The following RARB variants were observed in gnomAD, a reference collection of about 807,000 sequenced individuals.
RARB encodes HBV-activated protein.
In RARB, 17 loss-of-function variants were observed where a neutral mutation model predicts 51.9. That is an observed-to-expected ratio of 0.33 (90% confidence interval 0.22 to 0.49). The LOEUF is 0.49. Ranked by LOEUF, RARB falls within the 20% of genes least tolerant of loss-of-function variation. The pLI is 0.99. For synonymous variants in RARB, 215 were observed against 195.4 expected (o/e 1.10, Z -0.84); for missense variants, 369 against 550.8 (o/e 0.67, Z 3.30).
At chr3:25,306,861 A>C (rs889208090) in intron 5 of RARB, among the ~76,000 whole-genome samples, 1 of 152,158 alleles carries the variant, frequency 6.6e-6, no homozygotes, top group African/African-American at 2.4e-5. Flanking sequence ...ATCAGAAGTC[A>C]TTTGTCTATT....
intron 4 of RARB, among the ~76,000 whole-genome samples, chr3:25,138,335 G>GT (rs79013652): frequency 0.18 from 24,840 of 140,464 alleles, 2,135 homozygotes; most frequent in African/African-American, 0.24. Context: ...CTATAATTGA[G>GT]TTTTTTTTTT....
At chr3:25,116,885 G>C (rs1248474581) in intron 3 of RARB, among the ~76,000 whole-genome samples, 1 of 152,022 alleles carries the variant, frequency 6.6e-6, no homozygotes, top group Non-Finnish European at 1.5e-5. Flanking sequence ...ATGATATGTT[G>C]TGCCAATTTT....
At chr3:25,456,462 G>A (rs530785321) in intron 1 of RARB, among the ~76,000 whole-genome samples, 25 of 151,040 alleles carry the variant, frequency 1.7e-4, no homozygotes, top group Middle Eastern at 7.0e-3. Context: ...TTATATTGAT[G>A]CCATATCCTG....
intron 5 of RARB, among the ~76,000 whole-genome samples, chr3:25,310,740 C>A (rs139351759): frequency 9.8e-5 from 15 of 152,292 alleles, no homozygotes; most frequent in Non-Finnish European, 1.8e-4. Context: ...TGATTCCACT[C>A]TATACTGTCT....
intron 5 of RARB, among the ~76,000 whole-genome samples, chr3:25,411,364 A>G (rs1463465843): frequency 6.6e-6 from 1 of 152,256 alleles, no homozygotes; most frequent in Non-Finnish European, 1.5e-5. Flanking sequence ...GTAAAATTCT[A>G]CACAATACAA....
intron 5 of RARB, among the ~76,000 whole-genome samples, chr3:25,244,964 A>G (rs1352102181): frequency 6.6e-6 from 1 of 151,740 alleles, no homozygotes; most frequent in African/African-American, 2.4e-5. Flanking sequence ...ATCTCTAAGA[A>G]CTTGCTTTAT....
chr3:25,250,412 C>A (rs1281510019), intron 5 of RARB, among the ~76,000 whole-genome samples: 2 of 152,172 alleles, frequency 1.3e-5, no homozygotes, highest in Non-Finnish European at 2.9e-5. Flanking sequence ...AGTCCTACTA[C>A]TGAGGAGGGC....
chr3:24,854,076 G>A (rs141867600), intron 1 of RARB, among the ~76,000 whole-genome samples: 10 of 152,324 alleles, frequency 6.6e-5, no homozygotes, highest in African/African-American at 2.4e-4. Context: ...GGGTCGTGTA[G>A]TTTCATCGTA....
chr3:24,957,214 C>T (rs976245357), intron 2 of RARB, among the ~76,000 whole-genome samples: 2 of 152,140 alleles, frequency 1.3e-5, no homozygotes, highest in African/African-American at 4.8e-5. Context: ...AACACAGAAG[C>T]CCTAGTTGTT....
intron 2 of RARB, among the ~76,000 whole-genome samples, chr3:24,962,704 C>G (rs548142949): frequency 3.7e-4 from 56 of 152,314 alleles, no homozygotes; most frequent in African/African-American, 1.3e-3. Flanking sequence ...GAGAATCTAA[C>G]TAATGCCTGA....
At chr3:25,342,976 A>G (rs1345060052) in intron 5 of RARB, among the ~76,000 whole-genome samples, 2 of 150,156 alleles carry the variant, frequency 1.3e-5, no homozygotes, top group Non-Finnish European at 3.0e-5. Flanking sequence ...GGGGAAAAGT[A>G]TTCATAACAC....
At chr3:24,953,385 G>A (rs184986295) in intron 2 of RARB, among the ~76,000 whole-genome samples, 70 of 152,256 alleles carry the variant, frequency 4.6e-4, no homozygotes, top group African/African-American at 1.4e-3. Flanking sequence ...TAAAATAAAT[G>A]GAAACATCTT....
In RARB at chr3:25,213,106, A is replaced by T. The variant is rs556935478; in HGVS notation, c.178+38531A>T. Among the ~76,000 whole-genome samples, 179 of 152,232 alleles carry T rather than the reference A, an allele frequency of 1.2e-3. 1 individual carries two copies. Among genetic ancestry groups the T allele is most frequent in the Middle Eastern group, 6.8e-3 (2 of 294 alleles). On this transcript the variant is annotated intron_variant, in intron 5 of 11. Coordinates refer to the RARB transcript ENST00000383772. ...CTGTTAAATGAAGCATGCCATCCATATAAGATACTATATATATAGTAAGAA... is the reference window on the plus strand; with the variant it reads ...CTGTTAAATGAAGCATGCCATCCATTTAAGATACTATATATATAGTAAGAA...
chr3:24,862,772 A>C (rs1174044341), intron 2 of RARB, among the ~76,000 whole-genome samples: 1 of 152,206 alleles, frequency 6.6e-6, no homozygotes, highest in African/African-American at 2.4e-5. Context: ...TTAAGATATC[A>C]TCTTTATATT....
At chr3:25,007,141 A>G (rs1697289703) in intron 2 of RARB, among the ~76,000 whole-genome samples, 1 of 152,228 alleles carries the variant, frequency 6.6e-6, no homozygotes, top group African/African-American at 2.4e-5. Context: ...CATGAATGCA[A>G]TAATATTTAA....
At chr3:25,124,088 G>C (rs550940254) in intron 3 of RARB, among the ~76,000 whole-genome samples, 2 of 152,264 alleles carry the variant, frequency 1.3e-5, no homozygotes, top group Non-Finnish European at 2.9e-5. Flanking sequence ...AAGAATGTGA[G>C]TCCAGGCCGG....
intron 3 of RARB, among the ~76,000 whole-genome samples, chr3:25,563,776 C>G (rs549729952): frequency 2.0e-5 from 3 of 152,250 alleles, no homozygotes; most frequent in South Asian, 4.1e-4. Context: ...CCCCATAGTT[C>G]TAATCACCAA....
At chr3:24,979,418 C>T (rs2125424187) in intron 2 of RARB, among the ~76,000 whole-genome samples, 1 of 152,186 alleles carries the variant, frequency 6.6e-6, no homozygotes. Flanking sequence ...AATCCGGATG[C>T]TCTTGTATTA....
intron 2 of RARB, among the ~76,000 whole-genome samples, chr3:24,873,432 C>G (rs1461758833): frequency 2.0e-5 from 3 of 151,956 alleles, no homozygotes; most frequent in African/African-American, 7.2e-5. Context: ...TACTTCTTAT[C>G]AGTTGTCTTT....
Sources: gnomAD v4.1 joint callset for allele counts (sites outside exome capture counted in the v4.1 genomes callset) on GRCh38, gnomAD v4.1.1 for gene constraint, MANE v1.5 for transcripts, NCBI Gene and HGNC (gene_info 2026-07-23, HGNC 2026-07-21) for gene names.